ZNF823: variants seen among roughly 807,000 people sequenced by gnomAD.
ZNF823 encodes ZFP 36 for a zinc finger protein.
In ZNF823, 5 loss-of-function variants were observed where a neutral mutation model predicts 11.4. The observed-to-expected ratio is 0.44, with a 90% confidence interval of 0.23 to 0.92. The LOEUF is 0.92. Ranked by LOEUF, ZNF823 falls within the 40% of genes least tolerant of loss-of-function variation. The pLI is 0.24. For synonymous variants in ZNF823, 234 were observed against 250.5 expected, an observed-to-expected ratio of 0.93 and a Z score of 0.62; for missense variants, 582 against 738.5, an observed-to-expected ratio of 0.79 and a Z score of 2.46.
At position 11,722,718 on chromosome 19, in the gene ZNF823, T is replaced by C. The variant is rs766464976; in HGVS notation, c.816A>G (p.Gly272=). Reference sequence around the variant, plus strand: ...ATTGTGTACATTTATAGGGTTTCTCTCCGGTGTGAGTTCTCTCATGTCTTA... The same window carrying C: ...ATTGTGTACATTTATAGGGTTTCTCCCCGGTGTGAGTTCTCTCATGTCTTA... ...TYLRHERTHT[G]EKPYKCTQCG... The change falls in exon 4 of 4, where the codon GGA becomes GGG. Residue 272 remains glycine, a synonymous_variant. Transcript: ENST00000341191. This position sits in a 1 kb window ranked among gnomAD's most constrained non-coding sequence, Gnocchi z 5.2. The C allele has an allele frequency of 6.2e-7, 1 of 1,614,232 alleles. No individual in the cohort carries two copies. Among genetic ancestry groups the C allele is most frequent in the African/African-American group, 1.3e-5 (1 of 75,058 alleles).
intron 1 of ZNF823, among the ~76,000 whole-genome samples, chr19:11,729,904 T>C (rs547899502): frequency 1.3e-5 from 2 of 151,942 alleles, no homozygotes; most frequent in Admixed American, 1.3e-4. Context: ...AGGGCTTATA[T>C]CTTGTCCCTG....
chr19:11,732,379 A>G (rs895090709), intron 1 of ZNF823, among the ~76,000 whole-genome samples: 2 of 151,970 alleles, frequency 1.3e-5, no homozygotes, highest in African/African-American at 2.4e-5. Flanking sequence ...GTTAGCCAGG[A>G]TGGTCTCGAT....
chr19:11,727,375 G>A (rs1480043144), intron 1 of ZNF823, among the ~76,000 whole-genome samples: 1 of 151,906 alleles, frequency 6.6e-6, no homozygotes, highest in African/African-American at 2.4e-5. Context: ...AGCTGGGTGT[G>A]GTGGCGCACC....
chr19:11,723,401 T>G, intron 3 of ZNF823, 59 bp from the exon 4 acceptor site: 1 of 1,326,876 alleles, frequency 7.5e-7, no homozygotes, highest in Non-Finnish European at 1.0e-6. Flanking sequence ...TTCTATATAT[T>G]GAAGTACTAG....
At chr19:11,737,583 T>TTC (rs1975016938) in intron 1 of ZNF823, among the ~76,000 whole-genome samples, 1 of 80,550 alleles carries the variant, frequency 1.2e-5, no homozygotes, top group African/African-American at 3.7e-5. Flanking sequence ...TTTTTTTTTT[T>TTC]CACACTGGAG....
At position 11,738,830 on chromosome 19, in the gene ZNF823, C is replaced by T. The variant is rs775706695; in HGVS notation, c.-11G>A. 4 of 1,609,844 alleles carry T rather than the reference C, an allele frequency of 2.5e-6. No homozygotes were observed. The highest frequency in any genetic ancestry group is 3.4e-6 in the Non-Finnish European group (4 of 1,178,200). On this transcript the variant is annotated 5_prime_UTR_variant, in exon 1 of 4. Transcript: ENST00000341191. ...CCGCACACTCACCATTTCCCAGCTT[C>T]CAGGTGTCCGGGTGTCCTCCTTAAA...
chr19:11,730,822 CT>C (rs1481476664), intron 1 of ZNF823: 3 of 152,036 alleles, frequency 2.0e-5, no homozygotes. Flanking sequence ...ACATTTCCCC[CT>C]ATATGTACAA....
chr19:11,726,448 C>T (rs944240794), intron 1 of ZNF823, among the ~76,000 whole-genome samples: 5 of 151,774 alleles, frequency 3.3e-5, no homozygotes, highest in Non-Finnish European at 5.9e-5. Context: ...AAACTTCATC[C>T]TCAATATGAC....
chr19:11,722,989 T>G lies in ZNF823; in HGVS notation c.545A>C (p.His182Pro). 1 of 1,614,258 alleles carries G rather than the reference T, an allele frequency of 6.2e-7. No individual in the cohort carries two copies. The highest frequency in any genetic ancestry group is 8.5e-7 in the Non-Finnish European group (1 of 1,180,042). ...TFSSLGNLRR[H>P]MAAHHGDGPY... ...TCCATCTCCATGGTGTGCCGCCATG[T>G]GTCTTCGGAGGTTTCCAAGAGAACT... Residue 182 changes from histidine to proline, a missense_variant, in exon 4 of 4, where the codon CAC becomes CCC. Transcript: ENST00000341191. The surrounding 1 kb of genome is among the most constrained non-coding windows in gnomAD (Gnocchi z 5.2).
At position 11,721,628 on chromosome 19, in the gene ZNF823, G is replaced by T; in HGVS notation, c.*73C>A. The T allele has an allele frequency of 7.1e-7, 1 of 1,404,966 alleles. No homozygotes were observed. 87.0% of individuals were successfully genotyped at this position (1,404,966 alleles called of 1,614,324 possible). A position where few individuals can be genotyped will look rare whatever the true frequency, so the allele number is the denominator to read the frequency against. On this transcript the variant is annotated 3_prime_UTR_variant, in exon 4 of 4. Coordinates refer to ENST00000341191, the MANE Select transcript of ZNF823 (RefSeq NM_001080493.4). ...CTTTATCCCATGTTTACATTCATAG[G>T]GTCTATCTCCAAAGTGAGTTCTTTC...
intron 1 of ZNF823, among the ~76,000 whole-genome samples, chr19:11,733,137 G>A (rs1291663202): frequency 9.2e-5 from 14 of 152,144 alleles, no homozygotes; most frequent in Admixed American, 8.5e-4. Flanking sequence ...GGGAGGCTGA[G>A]GTGGGCAGAT....
At chr19:11,734,904 G>T (rs1217507699) in intron 1 of ZNF823, among the ~76,000 whole-genome samples, 3 of 152,148 alleles carry the variant, frequency 2.0e-5, no homozygotes, top group Non-Finnish European at 4.4e-5. Flanking sequence ...CTGTGATGTA[G>T]GATCTGATTT....
In ZNF823 at chr19:11,721,560, A is replaced by G. The variant is rs1281829149; in HGVS notation, c.*141T>C. On this transcript the variant is annotated 3_prime_UTR_variant, in exon 4 of 4. Transcript: ENST00000341191. ...TGCTGGAACCAATCCCCTGCAATAT[A>G]TTGGGGGATAACTGTATTTAAAAAA... is the stretch of plus-strand genomic sequence containing the variant. 6.2e-6 allele frequency: 5 copies of G among 809,134 alleles called. No individual in the cohort carries two copies. The highest frequency in any genetic ancestry group is 3.0e-5 in the Admixed American group (1 of 33,676). The allele number at this position is 809,134 out of a possible 1,614,324, so 50.1% of individuals were successfully genotyped here.
At chr19:11,738,183 GATAAGA>G (rs1975029807) in intron 1 of ZNF823, among the ~76,000 whole-genome samples, 1 of 152,184 alleles carries the variant, frequency 6.6e-6, no homozygotes, top group African/African-American at 2.4e-5. Context: ...CGTGCCCGGG[GATAAGA>G]TCTCTTGAGA....
chr19:11,723,387 G>T (rs368746267), intron 3 of ZNF823, 45 bp from the exon 4 acceptor site: 3 of 1,421,596 alleles, frequency 2.1e-6, no homozygotes, highest in South Asian at 1.4e-5. Context: ...GTTTATAAGT[G>T]ATTTTCTATA....
At chr19:11,728,181 C>T (rs1247822528) in intron 1 of ZNF823, among the ~76,000 whole-genome samples, 1 of 152,060 alleles carries the variant, frequency 6.6e-6, no homozygotes, top group Non-Finnish European at 1.5e-5. Flanking sequence ...CCGGCCAAGA[C>T]TCTCTTTTCC....
chr19:11,725,214 G>T lies in ZNF823; in HGVS notation c.117C>A (p.Asn39Lys), dbSNP rs1466622742. The T allele has an allele frequency of 6.2e-7, 1 of 1,613,778 alleles. No individual in the cohort carries two copies. The highest frequency in any genetic ancestry group is 8.5e-7 in the Non-Finnish European group (1 of 1,179,858). Residue 39 changes from asparagine to lysine, a missense_variant, in exon 2 of 4, where the codon AAC (asparagine) becomes AAA (lysine). Coordinates refer to ENST00000341191, the MANE Select transcript of ZNF823 (RefSeq NM_001080493.4). The part of the protein sequence containing the change: ...YRNVMQETIR[N>K]LDCIEMKWED... ...TGTCATCCTTACCTATACAGTCCAG[G>T]TTCCTAATGGTTTCCTGCATGACAT...
chr19:11,728,829 A>AT (rs113067219), intron 1 of ZNF823, among the ~76,000 whole-genome samples: 12,883 of 152,212 alleles, frequency 0.085, 1,178 homozygotes, highest in African/African-American at 0.23. Context: ...TTGAATGTGT[A>AT]TATCTACATA....
intron 1 of ZNF823, among the ~76,000 whole-genome samples, chr19:11,734,357 A>G (rs1462732934): frequency 6.6e-6 from 1 of 152,170 alleles, no homozygotes; most frequent in Non-Finnish European, 1.5e-5. Context: ...TGCTTCGACT[A>G]TGCCCCCTTT....
Sources: allele counts gnomAD v4.1 joint callset (sites outside exome capture counted in the v4.1 genomes callset), GRCh38; gene constraint gnomAD v4.1.1; non-coding constraint Gnocchi (gnomAD v3.1); transcripts MANE v1.5; gene names NCBI Gene and HGNC (gene_info 2026-07-23, HGNC 2026-07-21).